Variants in FANCM observed in about 807,000 individuals in gnomAD.
The protein encoded by FANCM is FA complementation group M, also known as Fanconi anemia group M protein.
In FANCM, 140 loss-of-function variants were observed where a neutral mutation model predicts 199.5. The ratio of observed to expected loss-of-function variants is 0.70; its 90% CI spans 0.61 to 0.81. The LOEUF is 0.81. FANCM is among the 30% of genes least tolerant of loss of function. The pLI, the probability that FANCM is intolerant of heterozygous loss-of-function variation, is 0.00. For missense variants in FANCM, 2,410 were observed against 2,421.4 expected (o/e 1.00, Z 0.10); for synonymous variants, 840 against 836.8 (o/e 1.00, Z -0.07).
At chr14:45,179,251 T>C (rs1294237374) in intron 14 of FANCM, among the ~76,000 whole-genome samples, 1 of 152,102 alleles carries the variant, frequency 6.6e-6, no homozygotes, top group Non-Finnish European at 1.5e-5. Flanking sequence ...TGAATAGTAC[T>C]GTAAGGCACA....
In FANCM at chr14:45,148,906, A is replaced by G; in HGVS notation, c.829A>G (p.Ile277Val). Residue 277 changes from isoleucine to valine, a missense_variant, in exon 4 of 23, where the codon ATT (isoleucine) becomes GTT (valine). By Grantham distance (29) the Ile-to-Val change is conservative. Coordinates refer to ENST00000267430, the MANE Select transcript of FANCM (RefSeq NM_020937.4). ...IELRSEDSPD[I>V]LTYSHERKVE... is the part of the protein sequence containing the mutation. ...GCTTCGTTCTGAAGATTCTCCAGATATTTTGACATATTCTCATGAAAGAAA... is the reference window on the plus strand; with the variant it reads ...GCTTCGTTCTGAAGATTCTCCAGATGTTTTGACATATTCTCATGAAAGAAA... 4 of 1,612,660 alleles carry G rather than the reference A, an allele frequency of 2.5e-6. No homozygotes were observed. The highest frequency in any genetic ancestry group is 2.5e-6 in the Non-Finnish European group (3 of 1,178,778).
At chr14:45,139,124 T>A (rs1314525208) in intron 2 of FANCM, among the ~76,000 whole-genome samples, 1 of 152,204 alleles carries the variant, frequency 6.6e-6, no homozygotes, top group East Asian at 1.9e-4. Flanking sequence ...TTTTCAAAAA[T>A]CCTTCTATTA....
At chr14:45,147,265 C>G (rs530293864) in intron 3 of FANCM, among the ~76,000 whole-genome samples, 28 of 152,192 alleles carry the variant, frequency 1.8e-4, no homozygotes, top group Admixed American at 1.3e-3. Context: ...CCCGCCCCCC[C>G]CAAAACCAAG....
intron 3 of FANCM, among the ~76,000 whole-genome samples, chr14:45,143,355 C>T (rs747913206): frequency 1.3e-5 from 2 of 151,930 alleles, no homozygotes; most frequent in African/African-American, 2.4e-5. Flanking sequence ...TTTGTAGAGA[C>T]AGGGTCTCCC....
chr14:45,147,107 A>T (rs1886452697), intron 3 of FANCM, among the ~76,000 whole-genome samples: 2 of 152,132 alleles, frequency 1.3e-5, no homozygotes, highest in African/African-American at 2.4e-5. Context: ...ATGAACTATT[A>T]AAAGCAATAA....
Position 45,200,135 on chromosome 14 carries a change from A to G in FANCM, c.*127A>G. On this transcript the variant is annotated 3_prime_UTR_variant, in exon 23 of 23. Transcript: ENST00000267430. ...TATTTAAATATTTTATATTGTATAC[A>G]TTTTTATTTATAGATTATAGAAATT... 1 of 334,820 alleles carries G rather than the reference A, an allele frequency of 3.0e-6. No homozygotes were observed. The highest frequency in any genetic ancestry group is 4.9e-6 in the Non-Finnish European group (1 of 204,606). The allele number at this position is 334,820 out of a possible 1,614,324, so 20.7% of individuals were successfully genotyped here.
chr14:45,166,051 A>G (rs1241061941), intron 10 of FANCM, among the ~76,000 whole-genome samples: 1 of 152,130 alleles, frequency 6.6e-6, no homozygotes, highest in Non-Finnish European at 1.5e-5. Flanking sequence ...ACAGCAAGCT[A>G]ACAAAGATAG....
At chr14:45,149,673 A>G (rs536038926) in intron 4 of FANCM, among the ~76,000 whole-genome samples, 3 of 152,072 alleles carry the variant, frequency 2.0e-5, no homozygotes, top group Non-Finnish European at 4.4e-5. Flanking sequence ...CCCGGCCCCC[A>G]GAAGTTTCTT....
In FANCM at chr14:45,136,645, C is replaced by T. The variant is rs899855330; in HGVS notation, c.508+106C>T. On this transcript the variant is annotated intron_variant, in intron 1 of 22. Transcript: ENST00000267430. Reference sequence around the variant, plus strand: ...GCATCTTACGCCCTCCCTCTTAAAACATTCTCTACTTGCAGCAAGCCCAAA... The same window carrying T: ...GCATCTTACGCCCTCCCTCTTAAAATATTCTCTACTTGCAGCAAGCCCAAA... The T allele has an allele frequency of 7.7e-5, 86 of 1,119,518 alleles. No homozygotes were observed. In the Admixed American group the frequency reaches 1.5e-3, roughly 20 times the overall value. The allele number at this position is 1,119,518 out of a possible 1,614,324, so 69.3% of individuals were successfully genotyped here.
In FANCM at chr14:45,191,696, T is replaced by C. The variant is rs375635172; in HGVS notation, c.5340+2334T>C. 3.3e-5 allele frequency among the ~76,000 whole-genome samples: 5 copies of C among 152,230 alleles called. No individual in the cohort carries two copies. The East Asian group carries it at 9.6e-4, about 29-fold the overall frequency. The stretch of plus-strand genomic sequence containing the variant: ...TTGAATAAAATTACATATAGTGTGA[T>C]TCTTATTACTTGAAATTAGGAGGAG... On this transcript the variant is annotated intron_variant, in intron 20 of 22. Transcript: ENST00000267430.
At chr14:45,153,112 TATGTTCTCC>T (rs1463478693) in intron 5 of FANCM, among the ~76,000 whole-genome samples, 2 of 152,208 alleles carry the variant, frequency 1.3e-5, no homozygotes, top group African/African-American at 4.8e-5. Context: ...ATAATTAGAA[TATGTTCTCC>T]ATGCTCTCCT....
chr14:45,166,111 C>T (rs181469887), intron 10 of FANCM, among the ~76,000 whole-genome samples: 374 of 151,304 alleles, frequency 2.5e-3, no homozygotes, highest in African/African-American at 8.6e-3. Context: ...TAATAATGGA[C>T]TTTGAAATGA....
At chr14:45,167,728 A>C (rs966468794) in intron 11 of FANCM, among the ~76,000 whole-genome samples, 2 of 152,164 alleles carry the variant, frequency 1.3e-5, no homozygotes, top group African/African-American at 4.8e-5. Flanking sequence ...GAAAGTGAGA[A>C]AAAATGTTTA....
intron 8 of FANCM, among the ~76,000 whole-genome samples, chr14:45,157,161 CAAAA>C (rs753612752): frequency 9.9e-5 from 15 of 151,636 alleles, no homozygotes; most frequent in Admixed American, 2.0e-4. Context: ...AAAAGAATAA[CAAAA>C]GAAAGAGCAA....
chr14:45,147,240 T>G (rs914706818), intron 3 of FANCM, among the ~76,000 whole-genome samples: 2 of 152,168 alleles, frequency 1.3e-5, no homozygotes, highest in African/African-American at 4.8e-5. Context: ...ATATGATTCT[T>G]GCCCCAGGCT....
intron 7 of FANCM, 43 bp from the exon 8 acceptor site, chr14:45,155,330 G>A (rs1887103347): frequency 2.3e-6 from 2 of 879,232 alleles, no homozygotes; most frequent in Non-Finnish European, 3.8e-6. Context: ...ATTGAATATG[G>A]AAAAAAACAG....
chr14:45,167,411 C>A, intron 11 of FANCM: 1 of 461,160 alleles, frequency 2.2e-6, no homozygotes, highest in Non-Finnish European at 3.9e-6. Flanking sequence ...AGAATGTTCT[C>A]CATAAAGTTT....
At chr14:45,179,009 G>A (rs1476893499) in intron 14 of FANCM, among the ~76,000 whole-genome samples, 2 of 151,986 alleles carry the variant, frequency 1.3e-5, no homozygotes, top group Admixed American at 1.3e-4. Flanking sequence ...GACCAGCCTG[G>A]CCAACATGAT....
At chr14:45,180,329 G>C (rs748072457) in intron 14 of FANCM, among the ~76,000 whole-genome samples, 14 of 152,154 alleles carry the variant, frequency 9.2e-5, no homozygotes, top group Non-Finnish European at 1.9e-4. Context: ...AATAGCTTTG[G>C]AGGATCTGCT....
Sources: gnomAD v4.1 joint callset for allele counts (sites outside exome capture counted in the v4.1 genomes callset) on GRCh38, gnomAD v4.1.1 for gene constraint, MANE v1.5 for transcripts, NCBI Gene and HGNC (gene_info 2026-07-23, HGNC 2026-07-21) for gene names.